The following PTPRD variants were observed in gnomAD, a reference collection of about 807,000 sequenced individuals.
PTPRD encodes protein tyrosine phosphatase receptor type D.
A neutral mutation model predicts 214.5 loss-of-function variants in PTPRD; 34 were observed. The ratio of observed to expected loss-of-function variants is 0.16; its 90% CI spans 0.12 to 0.21. The LOEUF (loss-of-function observed/expected upper bound fraction) is 0.21. Among genes scored for constraint, PTPRD ranks in the 10% least tolerant of loss-of-function variants. The pLI, the probability that PTPRD is intolerant of heterozygous loss-of-function variation, is 1.00. For missense variants in PTPRD, 2,545 were observed against 2,398.7 expected, an observed-to-expected ratio of 1.06 and a Z score of -1.27; for synonymous variants, 1,128 against 845.7, an observed-to-expected ratio of 1.33 and a Z score of -5.79.
At chr9:10,299,164 T>A (rs2095786745) in intron 3 of PTPRD, among the ~76,000 whole-genome samples, 1 of 152,188 alleles carries the variant, frequency 6.6e-6, no homozygotes, top group African/African-American at 2.4e-5. Flanking sequence ...ATATTCACAT[T>A]TTAAAATCTA....
At chr9:10,194,133 G>A (rs1295751419) in intron 3 of PTPRD, among the ~76,000 whole-genome samples, 1 of 151,874 alleles carries the variant, frequency 6.6e-6, no homozygotes, top group Non-Finnish European at 1.5e-5. Context: ...AGTCACCAAT[G>A]TAATTTTTCA....
intron 3 of PTPRD, among the ~76,000 whole-genome samples, chr9:10,210,829 A>ATATATG (rs2099513645): frequency 7.1e-6 from 1 of 140,238 alleles, no homozygotes; most frequent in East Asian, 2.1e-4. Flanking sequence ...ATATGTATGT[A>ATATATG]TGTATGTATG....
At chr9:9,719,470 A>C (rs1293949464) in intron 7 of PTPRD, among the ~76,000 whole-genome samples, 1 of 152,148 alleles carries the variant, frequency 6.6e-6, no homozygotes, top group African/African-American at 2.4e-5. Context: ...TGGATTCCCC[A>C]AGCCAGAGCT....
intron 11 of PTPRD, among the ~76,000 whole-genome samples, chr9:8,827,616 A>C (rs1400322739): frequency 1.3e-5 from 2 of 152,118 alleles, no homozygotes; most frequent in Non-Finnish European, 2.9e-5. Flanking sequence ...CAAACAAACA[A>C]AAAAAATTAG....
At chr9:9,844,301 A>C (rs774348997) in intron 5 of PTPRD, among the ~76,000 whole-genome samples, 4 of 151,976 alleles carry the variant, frequency 2.6e-5, no homozygotes, top group Non-Finnish European at 5.9e-5. Flanking sequence ...TGTACATTAG[A>C]TCATAATGCC....
At chr9:8,662,483 T>C (rs2097082188) in intron 12 of PTPRD, among the ~76,000 whole-genome samples, 1 of 152,180 alleles carries the variant, frequency 6.6e-6, no homozygotes, top group African/African-American at 2.4e-5. Flanking sequence ...AACTATAGTC[T>C]ATCTGTAGCC....
At chr9:8,524,732 C>T in intron 18 of PTPRD, 193 bp downstream of exon 18, 1 of 725,384 alleles carries the variant, frequency 1.4e-6, no homozygotes, top group East Asian at 2.5e-5. Flanking sequence ...ACAGATTATA[C>T]TCAAGAGTTG....
intron 4 of PTPRD, among the ~76,000 whole-genome samples, chr9:9,963,613 G>C (rs1222835290): frequency 1.3e-5 from 2 of 152,134 alleles, no homozygotes; most frequent in Non-Finnish European, 2.9e-5. Flanking sequence ...AAAATATGCA[G>C]TCAAACAACA....
At chr9:9,768,250 G>A (rs1051546792) in intron 5 of PTPRD, among the ~76,000 whole-genome samples, 1 of 152,056 alleles carries the variant, frequency 6.6e-6, no homozygotes, top group African/African-American at 2.4e-5. Context: ...GAATTTTCAT[G>A]TACAATGAAG....
intron 5 of PTPRD, among the ~76,000 whole-genome samples, chr9:9,924,508 G>T (rs1255012222): frequency 1.3e-5 from 2 of 151,872 alleles, no homozygotes; most frequent in African/African-American, 2.4e-5. Context: ...TGCTACAAAA[G>T]CCCTAAAGTC....
intron 10 of PTPRD, among the ~76,000 whole-genome samples, chr9:9,139,052 C>A (rs962306153): frequency 6.6e-6 from 1 of 152,186 alleles, no homozygotes; most frequent in East Asian, 1.9e-4. Context: ...ACTCTCAAAT[C>A]CAAATTTGGG....
At chr9:9,611,978 TA>T (rs2094537440) in intron 7 of PTPRD, among the ~76,000 whole-genome samples, 1 of 152,130 alleles carries the variant, frequency 6.6e-6, no homozygotes, top group Non-Finnish European at 1.5e-5. Flanking sequence ...ATATATCAGA[TA>T]TTTTTTAGTG....
At chr9:10,438,405 C>G (rs1230985427) in intron 2 of PTPRD, among the ~76,000 whole-genome samples, 1 of 151,456 alleles carries the variant, frequency 6.6e-6, no homozygotes, top group African/African-American at 2.4e-5. Flanking sequence ...CAACATAATC[C>G]CATTGTAAAT....
chr9:9,797,425 T>C (rs1565342734), intron 5 of PTPRD, among the ~76,000 whole-genome samples: 4 of 152,052 alleles, frequency 2.6e-5, no homozygotes, highest in Middle Eastern at 3.4e-3. Context: ...AAGTAGTAGT[T>C]AAGATTAGAA....
At chr9:10,575,254 T>C (rs2068836600) in intron 2 of PTPRD, among the ~76,000 whole-genome samples, 1 of 152,022 alleles carries the variant, frequency 6.6e-6, no homozygotes, top group Admixed American at 6.6e-5. Context: ...AATTTCCCAA[T>C]ACTAATTACA....
At chr9:10,435,878 A>G (rs2098713845) in intron 2 of PTPRD, among the ~76,000 whole-genome samples, 1 of 151,856 alleles carries the variant, frequency 6.6e-6, no homozygotes, top group Non-Finnish European at 1.5e-5. Flanking sequence ...TATGGCCCAT[A>G]TAGTGTCAGT....
chr9:8,619,659 A>G (rs1170006067), intron 14 of PTPRD, among the ~76,000 whole-genome samples: 1 of 151,796 alleles, frequency 6.6e-6, no homozygotes, highest in African/African-American at 2.4e-5. Flanking sequence ...GTGTTCTCAG[A>G]GCTCTCTTTC....
chr9:10,610,905 G>C (rs550858242), intron 2 of PTPRD, among the ~76,000 whole-genome samples: 2 of 152,148 alleles, frequency 1.3e-5, no homozygotes, highest in South Asian at 4.1e-4. Context: ...TTGTAACTTA[G>C]CTTACTCTTA....
intron 5 of PTPRD, among the ~76,000 whole-genome samples, chr9:9,930,780 CATA>C (rs1162423549): frequency 6.6e-6 from 1 of 151,730 alleles, no homozygotes; most frequent in Non-Finnish European, 1.5e-5. Flanking sequence ...TATAAGTGAG[CATA>C]ATATGTATGT....
Sources: gnomAD v4.1 joint callset for allele counts (sites outside exome capture counted in the v4.1 genomes callset) on GRCh38, gnomAD v4.1.1 for gene constraint, MANE v1.5 for transcripts, NCBI Gene and HGNC (gene_info 2026-07-23, HGNC 2026-07-21) for gene names.